The following CDC40 variants were observed in gnomAD, a reference collection of about 807,000 sequenced individuals.
The protein encoded by CDC40 is pre-mRNA-processing factor 17.
In CDC40, 27 loss-of-function variants were observed where a neutral mutation model predicts 80.6. The ratio of observed to expected loss-of-function variants is 0.33; its 90% CI spans 0.25 to 0.46. The LOEUF (loss-of-function observed/expected upper bound fraction) is 0.46, where lower values mean the gene tolerates loss of function less well. Among genes scored for constraint, CDC40 ranks in the 20% least tolerant of loss-of-function variants. The pLI is 1.00. For synonymous variants in CDC40, 221 were observed against 232.6 expected (o/e 0.95, Z 0.45); for missense variants, 486 against 694.1 (o/e 0.70, Z 3.37).
At chr6:110,202,712 A>G (rs1222958429) in intron 3 of CDC40, among the ~76,000 whole-genome samples, 1 of 152,142 alleles carries the variant, frequency 6.6e-6, no homozygotes, top group Non-Finnish European at 1.5e-5. Flanking sequence ...TGTTTTAAGT[A>G]TCTGGTGATT....
intron 1 of CDC40, among the ~76,000 whole-genome samples, chr6:110,189,613 C>T (rs1029831190): frequency 6.6e-6 from 1 of 152,236 alleles, no homozygotes; most frequent in African/African-American, 2.4e-5. Flanking sequence ...AATCTTCCAA[C>T]TGTGTCCTGA....
At chr6:110,209,536 A>T (rs1466279195) in intron 5 of CDC40, among the ~76,000 whole-genome samples, 3 of 152,186 alleles carry the variant, frequency 2.0e-5, no homozygotes, top group African/African-American at 7.2e-5. Flanking sequence ...AGACATTCAG[A>T]TAGTAACTAC....
intron 2 of CDC40, 86 bp downstream of exon 2, chr6:110,193,354 G>T: frequency 1.3e-6 from 1 of 770,636 alleles, no homozygotes; most frequent in South Asian, 1.6e-5. Context: ...ATTTTTAAAA[G>T]TTTTATCACA....
At chr6:110,207,711 C>A in intron 4 of CDC40, 122 bp downstream of exon 4, 1 of 612,510 alleles carries the variant, frequency 1.6e-6, no homozygotes, top group Non-Finnish European at 2.9e-6. Context: ...AAAGTTGAAA[C>A]AATGGAGCGA....
chr6:110,220,507 C>G (rs1441147877), intron 12 of CDC40, among the ~76,000 whole-genome samples: 2 of 136,212 alleles, frequency 1.5e-5, no homozygotes, highest in African/African-American at 5.6e-5. Context: ...TGCAGTGGCG[C>G]AATCTCAGCT....
chr6:110,195,790 C>A (rs1005460000), intron 2 of CDC40, among the ~76,000 whole-genome samples: 1 of 152,002 alleles, frequency 6.6e-6, no homozygotes, highest in African/African-American at 2.4e-5. Flanking sequence ...CGAGTCCTTA[C>A]CAGAAGAAAG....
Position 110,207,654 on chromosome 6 carries a change from T to G in CDC40, c.490+65T>G, listed in dbSNP as rs2031434805. On this transcript the variant is annotated intron_variant, in intron 4 of 14. Coordinates refer to ENST00000307731, the MANE Select transcript of CDC40 (RefSeq NM_015891.3). ...CATCTATAATTAGTGTCTTGCAGAG[T>G]GACTTTAATTAGACAGTAAAAAATA... 2.9e-5 allele frequency: 25 copies of G among 863,106 alleles called. No individual in the cohort carries two copies. In the South Asian group the frequency reaches 3.2e-4, roughly 11 times the overall value. The allele number at this position is 863,106 out of a possible 1,614,324, so 53.5% of individuals were successfully genotyped here. A position where few individuals can be genotyped will look rare whatever the true frequency, so the allele number is the denominator to read the frequency against.
Position 110,201,650 on chromosome 6 carries a change from C to T in CDC40, c.369C>T (p.Phe123=). 6.2e-7 allele frequency: 1 copy of T among 1,613,258 alleles called. No homozygotes were observed. The highest frequency in any genetic ancestry group is 8.5e-7 in the Non-Finnish European group (1 of 1,179,398). Residue 123 remains phenylalanine, a synonymous_variant, in exon 3 of 15, where the codon TTC becomes TTT. Transcript: ENST00000307731. ...GYAEPAHIND[F]MFEQQRRTFA... ...CCGAACCAGCTCATATCAATGATTT[C>T]ATGTTTGAGCAGCAAAGGAGAACTT...
At chr6:110,199,945 T>G (rs1426490060) in intron 2 of CDC40, among the ~76,000 whole-genome samples, 1 of 152,130 alleles carries the variant, frequency 6.6e-6, no homozygotes, top group East Asian at 1.9e-4. Flanking sequence ...TATCTGTAAT[T>G]TTATGGCTGT....
At chr6:110,201,095 T>C (rs140895155) in intron 2 of CDC40, among the ~76,000 whole-genome samples, 122 of 152,286 alleles carry the variant, frequency 8.0e-4, no homozygotes, top group African/African-American at 2.8e-3. Flanking sequence ...TTGAGTATTC[T>C]GAGTCTCCCA....
chr6:110,228,833 A>C lies in CDC40; in HGVS notation c.1419A>C (p.Gly473=), dbSNP rs1777898110. Residue 473 remains glycine, a splice_region_variant and synonymous_variant, in exon 14 of 15, where the codon GGA becomes GGC. Transcript: ENST00000307731. ...ATACCTCATTTATTGAATTTACAGG[A>C]AAATGGCTAGCATGCCAATCAATGG... is the stretch of plus-strand genomic sequence containing the variant. ...SMPAVTLSPN[G]KWLACQSMDN... 1 of 1,572,822 alleles carries C rather than the reference A, an allele frequency of 6.4e-7. No individual in the cohort carries two copies.
intron 2 of CDC40, among the ~76,000 whole-genome samples, chr6:110,197,739 A>G (rs919330782): frequency 6.6e-6 from 1 of 152,134 alleles, no homozygotes; most frequent in African/African-American, 2.4e-5. Flanking sequence ...AGGTTAATCT[A>G]TGCTGTCAGA....
Position 110,213,148 on chromosome 6 carries a change from C to G in CDC40, c.930C>G (p.Asp310Glu). ...ATTTATTGCTGTCTTGTTCCATGGA[C>G]TGTAAAATTAAGGTGAGTTTTCAGT... ...SGHLLLSCSM[D>E]CKIKLWEVYG... The change falls in exon 8 of 15, where the codon GAC becomes GAG. Residue 310 changes from aspartate to glutamate, a missense_variant. Coordinates refer to ENST00000307731, the MANE Select transcript of CDC40 (RefSeq NM_015891.3). 1 of 1,604,588 alleles carries G rather than the reference C, an allele frequency of 6.2e-7. No individual in the cohort carries two copies.
intron 14 of CDC40, among the ~76,000 whole-genome samples, chr6:110,229,477 GT>G (rs1297051861): frequency 6.6e-6 from 1 of 152,198 alleles, no homozygotes; most frequent in Non-Finnish European, 1.5e-5. Flanking sequence ...ATAGGCAGAA[GT>G]AATTTAGAAA....
At chr6:110,198,477 C>G (rs1238715475) in intron 2 of CDC40, among the ~76,000 whole-genome samples, 1 of 151,944 alleles carries the variant, frequency 6.6e-6, no homozygotes, top group Non-Finnish European at 1.5e-5. Flanking sequence ...GCACCTGGCC[C>G]CTGTTGGCTA....
chr6:110,231,577 A>AT lies in CDC40; in HGVS notation c.*1448dup, dbSNP rs1367395502. On this transcript the variant is annotated 3_prime_UTR_variant, in exon 15 of 15. Transcript: ENST00000307731. ...TTTGGCAAGCCATTTTTCCTGTTTT[A>AT]TTATAAATCTATATTAGATGTTTGA... is the stretch of plus-strand genomic sequence containing the variant. 1.3e-5 allele frequency: 2 copies of AT among 152,232 alleles called. No individual in the cohort carries two copies. Among genetic ancestry groups the AT allele is most frequent in the Non-Finnish European group, 2.9e-5 (2 of 68,038 alleles). The allele number at this position is 152,232 out of a possible 1,614,324, so 9.4% of individuals were successfully genotyped here.
At chr6:110,208,919 T>TATA (rs1380432618) in intron 4 of CDC40, among the ~76,000 whole-genome samples, 165 bp from the exon 5 acceptor site, 2 of 152,216 alleles carry the variant, frequency 1.3e-5, no homozygotes, top group Non-Finnish European at 2.9e-5. Context: ...TCAGCGTATA[T>TATA]GGTAGATTCA....
At chr6:110,213,034 T>G in intron 7 of CDC40, 52 bp from the exon 8 acceptor site, 146 of 1,197,292 alleles carry the variant, frequency 1.2e-4, no homozygotes, top group Non-Finnish European at 1.7e-4. Context: ...ATGCTTCATT[T>G]GAGCTGATCT....
At position 110,232,067 on chromosome 6, in the gene CDC40, G is replaced by C. The variant is rs1270515000; in HGVS notation, c.*1936G>C. ...ACAAAAAGAATCATACATTTAAACTGTCTTGTTCAGCATACCAATATTGTA... is the reference window on the plus strand; with the variant it reads ...ACAAAAAGAATCATACATTTAAACTCTCTTGTTCAGCATACCAATATTGTA... On this transcript the variant is annotated 3_prime_UTR_variant, in exon 15 of 15. Coordinates refer to ENST00000307731, the MANE Select transcript of CDC40 (RefSeq NM_015891.3). The C allele has an allele frequency of 1.3e-5, 2 of 150,676 alleles. No homozygotes were observed. Among genetic ancestry groups the C allele is most frequent in the Admixed American group, 1.3e-4 (2 of 15,064 alleles). 9.3% of individuals were successfully genotyped at this position (150,676 alleles called of 1,614,324 possible).
Sources: allele counts gnomAD v4.1 joint callset (sites outside exome capture counted in the v4.1 genomes callset), GRCh38; gene constraint gnomAD v4.1.1; transcripts MANE v1.5; gene names NCBI Gene and HGNC (gene_info 2026-07-23, HGNC 2026-07-21).